Variants in REPS2 observed in about 807,000 individuals in gnomAD.
The protein encoded by REPS2 is RALBP1 associated Eps domain containing 2, also known as ralBP1-associated Eps domain-containing protein 2.
In REPS2, 23 loss-of-function variants were observed where a neutral mutation model predicts 53.6. The observed-to-expected ratio is 0.43, with a 90% CI of 0.31 to 0.61. The LOEUF (loss-of-function observed/expected upper bound fraction) is 0.61, where lower values mean the gene tolerates loss of function less well. REPS2 is among the 20% of genes least tolerant of loss of function. REPS2 has a pLI of 0.11. For missense variants in REPS2, 446 were observed against 534.9 expected (o/e 0.83, Z 1.64); for synonymous variants, 238 against 218.6 (o/e 1.09, Z -0.78).
chrX:17,157,232 G>C (rs2063620947), downstream of REPS2, among the ~76,000 whole-genome samples: 1 of 111,367 alleles, frequency 9.0e-6, no homozygotes, highest in Non-Finnish European at 1.9e-5. Flanking sequence ...TATATGATAA[G>C]AACACCCCTT....
At chrX:17,176,501 G>C in the REPS2 span, among the ~76,000 whole-genome samples, 5 of 112,003 alleles carry the variant, frequency 4.5e-5, no homozygotes, top group Non-Finnish European at 9.4e-5. Context: ...ATGCAGAAGA[G>C]AAGGAAATAG....
At chrX:16,970,997 AAT>A (rs373610696) in intron 1 of REPS2, among the ~76,000 whole-genome samples, 3 of 112,414 alleles carry the variant, frequency 2.7e-5, no homozygotes, top group Admixed American at 9.4e-5. Context: ...ATTTCTGTCG[AAT>A]ATATACCTAG....
At chrX:17,055,840 G>C (rs1378161432) in intron 8 of REPS2, among the ~76,000 whole-genome samples, 1 of 78,046 alleles carries the variant, frequency 1.3e-5, no homozygotes, top group African/African-American at 4.8e-5. Context: ...GACTGTGGTG[G>C]GGTCGGGGGA....
intron 14 of REPS2, among the ~76,000 whole-genome samples, chrX:17,104,122 A>G (rs748448645): frequency 8.1e-5 from 9 of 111,639 alleles, no homozygotes; most frequent in African/African-American, 2.9e-4. Context: ...AGTATGTGCA[A>G]TCTGGGTGCC....
intron 14 of REPS2, among the ~76,000 whole-genome samples, chrX:17,105,203 A>G (rs1019580558): frequency 1.8e-5 from 2 of 111,250 alleles, no homozygotes; most frequent in African/African-American, 6.5e-5. Context: ...GCCAGACAGC[A>G]GATCCATTAC....
chrX:17,068,619 A>G (rs2062258566), intron 10 of REPS2, 148 bp downstream of exon 10: 1 of 423,173 alleles, frequency 2.4e-6, no homozygotes, highest in Non-Finnish European at 4.1e-6. Flanking sequence ...AATCATTGTC[A>G]TAAAACAATA....
intron 4 of REPS2, among the ~76,000 whole-genome samples, chrX:17,027,909 T>C (rs2061667094): frequency 9.0e-6 from 1 of 111,056 alleles, no homozygotes; most frequent in Non-Finnish European, 1.9e-5. Flanking sequence ...ATTACTGATA[T>C]AGCTGATCAG....
intron 2 of REPS2, among the ~76,000 whole-genome samples, chrX:17,020,575 T>C (rs2061559568): frequency 9.0e-6 from 1 of 111,144 alleles, no homozygotes; most frequent in Admixed American, 9.6e-5. Context: ...ACTCTATTTA[T>C]GTCTCTTGGG....
intron 1 of REPS2, among the ~76,000 whole-genome samples, chrX:16,984,016 A>G (rs1457783763): frequency 8.9e-6 from 1 of 112,873 alleles, no homozygotes; most frequent in Non-Finnish European, 1.9e-5. Flanking sequence ...TATGTGTTGT[A>G]TTAGTTATCT....
chrX:16,969,651 G>A (rs2060854334), intron 1 of REPS2, among the ~76,000 whole-genome samples: 1 of 111,116 alleles, frequency 9.0e-6, no homozygotes, highest in Non-Finnish European at 1.9e-5. Context: ...AGGCAGGGAG[G>A]TTGCAGTGAG....
chrX:17,139,842 C>T (rs749592358), intron 17 of REPS2, among the ~76,000 whole-genome samples: 1 of 111,435 alleles, frequency 9.0e-6, no homozygotes, highest in South Asian at 3.8e-4. Flanking sequence ...CTTATAAGGA[C>T]ACCAATCATT....
chrX:17,113,592 A>G (rs890378885), intron 14 of REPS2, among the ~76,000 whole-genome samples: 1 of 111,581 alleles, frequency 9.0e-6, no homozygotes, highest in Non-Finnish European at 1.9e-5. Flanking sequence ...GTGTTGATTG[A>G]ATCTCAAGAG....
intron 10 of REPS2, among the ~76,000 whole-genome samples, chrX:17,069,537 A>G (rs185884986): frequency 9.4e-4 from 105 of 112,275 alleles, no homozygotes; most frequent in Admixed American, 1.8e-3. Context: ...CCATTCTCCT[A>G]ACTGCACAGT....
intron 1 of REPS2, among the ~76,000 whole-genome samples, chrX:16,965,351 G>A (rs2060742305): frequency 4.4e-5 from 5 of 112,998 alleles, no homozygotes; most frequent in Non-Finnish European, 9.4e-5. Context: ...GGGGCGGCTG[G>A]CCGGGCGGGG....
chrX:16,989,677 A>G (rs950448369), intron 1 of REPS2, among the ~76,000 whole-genome samples: 1 of 112,683 alleles, frequency 8.9e-6, no homozygotes, highest in East Asian at 2.8e-4. Context: ...TAAGCATGTG[A>G]AAAGATGTTC....
chrX:17,058,930 G>A (rs2062113169), intron 8 of REPS2, among the ~76,000 whole-genome samples: 1 of 110,580 alleles, frequency 9.0e-6, no homozygotes, highest in African/African-American at 3.3e-5. Flanking sequence ...GCTTTTCTTT[G>A]CAAAATATGA....
chrX:17,052,321 A>G (rs990374217), intron 6 of REPS2, 61 bp from the exon 7 acceptor site: 3 of 957,340 alleles, frequency 3.1e-6, no homozygotes, highest in Non-Finnish European at 2.9e-6. Context: ...ATTTGTATAT[A>G]AATGTAAAAG....
chrX:17,025,348 T>A (rs764725807), intron 4 of REPS2, among the ~76,000 whole-genome samples, 163 bp downstream of exon 4: 20 of 112,604 alleles, frequency 1.8e-4, no homozygotes, highest in East Asian at 5.5e-4. Context: ...GGTTTTTTTT[T>A]AAAAATTGAT....
At chrX:17,117,432 A>C in intron 14 of REPS2, among the ~76,000 whole-genome samples, 1 of 106,487 alleles carries the variant, frequency 9.4e-6, no homozygotes, top group Non-Finnish European at 1.9e-5. Context: ...CTCTTCCCCC[A>C]CCCCACAACA....
Sources: allele counts gnomAD v4.1 joint callset (sites outside exome capture counted in the v4.1 genomes callset), GRCh38; gene constraint gnomAD v4.1.1; transcripts MANE v1.5; gene names NCBI Gene and HGNC (gene_info 2026-07-23, HGNC 2026-07-21).